The following TIPIN variants were observed in gnomAD, a reference collection of about 807,000 sequenced individuals.
TIPIN encodes TIMELESS interacting protein.
TIPIN carries 29 observed loss-of-function variants against 35.6 expected under a neutral mutation model. That is an observed-to-expected ratio of 0.82 (90% confidence interval 0.61 to 1.11). The LOEUF (loss-of-function observed/expected upper bound fraction) is 1.11, where lower values mean the gene tolerates loss of function less well. TIPIN is among the 50% of genes most tolerant of loss of function. TIPIN has a pLI of 0.00. For synonymous variants in TIPIN, 102 were observed against 121.5 expected (o/e 0.84, Z 1.06); for missense variants, 296 against 345.4 (o/e 0.86, Z 1.13).
chr15:66,379,725 C>T lies in TIPIN; in HGVS notation c.-9+6882G>A. On this transcript the variant is annotated intron_variant, in intron 1 of 7. Transcript: ENST00000562124. ...AGTCCGAACGGTAGCCAGTTCTTTT[C>T]TGTTACCCCACCATTTGTCAACCAG... The T allele has an allele frequency of 7.5e-6, 12 of 1,609,030 alleles. No homozygotes were observed. The South Asian group carries it at 1.1e-4, about 15-fold the overall frequency.
chr15:66,348,998 C>T, intron 6 of TIPIN, 62 bp downstream of exon 6: 2 of 1,356,528 alleles, frequency 1.5e-6, no homozygotes, highest in African/African-American at 1.4e-5. Context: ...AGCCACCACA[C>T]CCTGCCTAGA....
rs577856170 is a variant in TIPIN at position 66,336,916 on chromosome 15, C to T, written c.*42G>A. ...AAAATACATAGTAACGCCAAGCTTG[C>T]AGGACGATGACTTAACAGATACATT... On this transcript the variant is annotated 3_prime_UTR_variant, in exon 8 of 8. Transcript: ENST00000261881. The T allele has an allele frequency of 5.8e-6, 9 of 1,561,264 alleles. No individual in the cohort carries two copies. The African/African-American group carries it at 9.5e-5, about 16-fold the overall frequency.
At chr15:66,371,703 G>T (rs993422730) in intron 1 of TIPIN, among the ~76,000 whole-genome samples, 38 of 151,936 alleles carry the variant, frequency 2.5e-4, no homozygotes, top group Middle Eastern at 3.4e-3. Context: ...TTTTTTAGTG[G>T]AGACGGGGTT....
At position 66,382,406 on chromosome 15, in the gene TIPIN, C is replaced by T. The variant is rs540201981; in HGVS notation, c.-9+4201G>A. ...TGATATGTTTTCATCACTGGTTGTC[C>T]TTGTATTTCTTCTGTTTTCCAGGCT... On this transcript the variant is annotated intron_variant, in intron 1 of 7. Transcript: ENST00000562124. 4 of 983,400 alleles carry T rather than the reference C, an allele frequency of 4.1e-6. No individual in the cohort carries two copies. In the South Asian group the frequency reaches 1.9e-4, roughly 46 times the overall value. 60.9% of individuals were successfully genotyped at this position (983,400 alleles called of 1,614,324 possible). A position where few individuals can be genotyped will look rare whatever the true frequency, so the allele number is the denominator to read the frequency against.
In TIPIN at chr15:66,382,268, G is replaced by A. The variant is rs929816712; in HGVS notation, c.-9+4339C>T. On this transcript the variant is annotated intron_variant, in intron 1 of 7. Transcript: ENST00000562124. ...TCAGAGAGGGTAAGTAATCAGCCAA[G>A]GGCAGAACTGGAATTAATCTCAGGT... The A allele has an allele frequency of 1.8e-4, 148 of 833,912 alleles. 1 individual carries two copies. The highest frequency in any genetic ancestry group is 5.5e-5 in the South Asian group (1 of 18,118). 51.7% of individuals were successfully genotyped at this position (833,912 alleles called of 1,614,324 possible).
At chr15:66,350,674 A>G (rs2093161580) in intron 4 of TIPIN, among the ~76,000 whole-genome samples, 1 of 151,698 alleles carries the variant, frequency 6.6e-6, no homozygotes, top group South Asian at 2.1e-4. Flanking sequence ...TCACGCCTGT[A>G]ATCCCAGCAC....
intron 1 of TIPIN, chr15:66,371,472 G>T: frequency 1.6e-5 from 11 of 707,058 alleles, no homozygotes; most frequent in African/African-American, 1.9e-5. Context: ...GAAAAAAAAA[G>T]TTTTTCCATG....
chr15:66,368,361 A>G (rs1279648508), intron 1 of TIPIN, among the ~76,000 whole-genome samples: 1 of 151,740 alleles, frequency 6.6e-6, no homozygotes, highest in Non-Finnish European at 1.5e-5. Flanking sequence ...CTTTACAAAA[A>G]AAAAAAAAGC....
In TIPIN at chr15:66,346,857, T is replaced by A. The variant is rs1234791756; in HGVS notation, c.475+2203A>T. Among the ~76,000 whole-genome samples, 5 of 152,060 alleles carry A rather than the reference T, an allele frequency of 3.3e-5. No homozygotes were observed. The East Asian group carries it at 9.6e-4, about 29-fold the overall frequency. The stretch of plus-strand genomic sequence containing the variant: ...CCCAGGCTGGAGTGCAGTGGCGTGA[T>A]CTCGGCTCACTGCAAGCTCCACCTC... On this transcript the variant is annotated intron_variant, in intron 6 of 7. Transcript: ENST00000261881.
At chr15:66,351,390 C>T in intron 4 of TIPIN, 135 bp downstream of exon 4, 1 of 711,792 alleles carries the variant, frequency 1.4e-6, no homozygotes, top group Non-Finnish European at 2.5e-6. Context: ...TCTAGTACAT[C>T]ACAACTGTTT....
chr15:66,347,767 A>G (rs555351075), intron 6 of TIPIN, among the ~76,000 whole-genome samples: 1 of 152,180 alleles, frequency 6.6e-6, no homozygotes, highest in South Asian at 2.1e-4. Context: ...TATTTTCAGT[A>G]CAGATGGGGT....
chr15:66,385,415 G>A (rs1285137724), intron 1 of TIPIN, among the ~76,000 whole-genome samples: 1 of 152,082 alleles, frequency 6.6e-6, no homozygotes, highest in African/African-American at 2.4e-5. Flanking sequence ...TTTTAAATGG[G>A]TATTGTGCCT....
At chr15:66,352,459 C>T (rs534545129) in intron 2 of TIPIN, among the ~76,000 whole-genome samples, 42 of 152,194 alleles carry the variant, frequency 2.8e-4, no homozygotes, top group Middle Eastern at 3.4e-3. Context: ...CTACCACACC[C>T]GGCTAATTTT....
chr15:66,379,677 A>G (rs2093310822), intron 1 of TIPIN: 23 of 1,611,370 alleles, frequency 1.4e-5, no homozygotes, highest in Non-Finnish European at 1.9e-5. Flanking sequence ...ACCCTTGATC[A>G]TGTTCTGTAC....
intron 6 of TIPIN, among the ~76,000 whole-genome samples, chr15:66,346,257 C>CTTTTTTTTTTTT (rs536484516): frequency 7.6e-6 from 1 of 131,090 alleles, no homozygotes; most frequent in Non-Finnish European, 1.6e-5. Context: ...CTTAATTTAT[C>CTTTTTTTTTTTT]TTTTTTTTTT....
intron 7 of TIPIN, 145 bp from the exon 8 acceptor site, chr15:66,337,326 A>ATATTTTTTTTTTTT (rs1566969064): frequency 1.9e-6 from 1 of 527,246 alleles, no homozygotes. Context: ...TTCTAAATAT[A>ATATTTTTTTTTTTT]TCTTTTTTTT....
chr15:66,374,215 A>G (rs2093287685), intron 1 of TIPIN, among the ~76,000 whole-genome samples: 1 of 152,024 alleles, frequency 6.6e-6, no homozygotes. Flanking sequence ...GGACTACAGA[A>G]GTATGATCCC....
intron 7 of TIPIN, among the ~76,000 whole-genome samples, chr15:66,337,559 T>C (rs913230357): frequency 1.3e-5 from 2 of 151,812 alleles, no homozygotes; most frequent in African/African-American, 4.8e-5. Flanking sequence ...TGACCTCAGG[T>C]GATCCACCCG....
intron 6 of TIPIN, among the ~76,000 whole-genome samples, chr15:66,344,801 C>T (rs893932033): frequency 6.6e-6 from 1 of 151,916 alleles, no homozygotes; most frequent in South Asian, 2.1e-4. Flanking sequence ...CCCTGGAGGT[C>T]GAGGCTGCAG....
Sources: allele counts gnomAD v4.1 joint callset (sites outside exome capture counted in the v4.1 genomes callset), GRCh38; gene constraint gnomAD v4.1.1; transcripts MANE v1.5; gene names NCBI Gene and HGNC (gene_info 2026-07-23, HGNC 2026-07-21).